The following QKI variants were observed in gnomAD, a reference collection of about 807,000 sequenced individuals.
The protein encoded by QKI is KH domain-containing RNA-binding protein QKI.
A neutral mutation model predicts 39.0 loss-of-function variants in QKI; 10 were observed. That is an observed-to-expected ratio of 0.26 (90% confidence interval 0.16 to 0.43). The LOEUF (loss-of-function observed/expected upper bound fraction) is 0.43. Ranked by LOEUF, QKI falls within the 20% of genes least tolerant of loss-of-function variation. The pLI, the probability that QKI is intolerant of heterozygous loss-of-function variation, is 1.00. For synonymous variants in QKI, 204 were observed against 155.4 expected (o/e 1.31, Z -2.33); for missense variants, 218 against 428.0 (o/e 0.51, Z 4.33).
intron 1 of QKI, among the ~76,000 whole-genome samples, chr6:163,446,003 C>T (rs1277855697): frequency 6.6e-6 from 1 of 152,170 alleles, no homozygotes; most frequent in Non-Finnish European, 1.5e-5. Context: ...TGTAGTTTCT[C>T]CTTTTTTCCT....
intron 2 of QKI, among the ~76,000 whole-genome samples, chr6:163,460,011 G>A (rs962253397): frequency 1.3e-5 from 2 of 152,146 alleles, no homozygotes; most frequent in African/African-American, 4.8e-5. Context: ...TAATAATTTT[G>A]TCATTAAATT....
At chr6:163,497,991 T>C (rs902272041) in intron 3 of QKI, among the ~76,000 whole-genome samples, 1 of 152,128 alleles carries the variant, frequency 6.6e-6, no homozygotes, top group Non-Finnish European at 1.5e-5. Flanking sequence ...GTTTTTGATA[T>C]AAAATTAAAA....
intron 3 of QKI, among the ~76,000 whole-genome samples, chr6:163,525,770 G>A (rs1339788419): frequency 6.6e-6 from 1 of 152,150 alleles, no homozygotes; most frequent in Non-Finnish European, 1.5e-5. Flanking sequence ...TTGTCAGGTC[G>A]TCAAAGGCAG....
intron 3 of QKI, among the ~76,000 whole-genome samples, chr6:163,525,605 C>G (rs943265640): frequency 4.6e-5 from 7 of 152,100 alleles, no homozygotes; most frequent in African/African-American, 1.4e-4. Context: ...GATCCTCCCC[C>G]CTCCCCGCCT....
chr6:163,539,179 C>T (rs529739103), intron 4 of QKI, among the ~76,000 whole-genome samples: 6 of 152,194 alleles, frequency 3.9e-5, no homozygotes, highest in Middle Eastern at 3.4e-3. Flanking sequence ...GAGAGCAAAG[C>T]GGGGAGCCCC....
chr6:163,557,373 A>G (rs1782696204), intron 4 of QKI, among the ~76,000 whole-genome samples: 1 of 152,210 alleles, frequency 6.6e-6, no homozygotes, highest in Non-Finnish European at 1.5e-5. Context: ...AGATCCTGTC[A>G]TTTGCAACAA....
At chr6:163,537,223 C>A (rs1781260260) in intron 4 of QKI, among the ~76,000 whole-genome samples, 1 of 152,082 alleles carries the variant, frequency 6.6e-6, no homozygotes, top group South Asian at 2.1e-4. Flanking sequence ...AAGTTTGGAG[C>A]ATTATAAACC....
chr6:163,460,705 C>T (rs1194107921), intron 2 of QKI, among the ~76,000 whole-genome samples: 1 of 152,202 alleles, frequency 6.6e-6, no homozygotes, highest in South Asian at 2.1e-4. Flanking sequence ...TTGACCATTG[C>T]GGCCTTCTTA....
rs1186085018 is a variant in QKI, at chr6:163,574,082, T to C, written c.*3372T>C. ...GTAGCCTTTGTTTGAGGCATTCTTC[T>C]CTTGCCACTTGCCTTTCAGCATCTG... On this transcript the variant is annotated 3_prime_UTR_variant, in exon 8 of 8. Transcript: ENST00000361752. 1 of 152,194 alleles carries C rather than the reference T, an allele frequency of 6.6e-6. No individual in the cohort carries two copies. The highest frequency in any genetic ancestry group is 1.5e-5 in the Non-Finnish European group (1 of 68,042). 9.4% of individuals were successfully genotyped at this position (152,194 alleles called of 1,614,324 possible).
chr6:163,434,587 C>T (rs1384268213), intron 1 of QKI, among the ~76,000 whole-genome samples: 1 of 151,762 alleles, frequency 6.6e-6, no homozygotes, highest in Non-Finnish European at 1.5e-5. Context: ...TGGTGGTGGG[C>T]GCCTGTAATC....
At chr6:163,470,013 GA>G (rs1792064303) in intron 2 of QKI, among the ~76,000 whole-genome samples, 2 of 152,222 alleles carry the variant, frequency 1.3e-5, no homozygotes, top group East Asian at 3.9e-4. Context: ...GCAATTCCAG[GA>G]AAATAGGATA....
intron 1 of QKI, among the ~76,000 whole-genome samples, chr6:163,419,018 C>G (rs1562412004): frequency 6.6e-6 from 1 of 152,000 alleles, no homozygotes; most frequent in African/African-American, 2.4e-5. Flanking sequence ...TCGTGGATAT[C>G]AGAAAAATTA....
intron 2 of QKI, among the ~76,000 whole-genome samples, chr6:163,461,721 A>G (rs533855754): frequency 1.1e-3 from 175 of 152,294 alleles, no homozygotes; most frequent in African/African-American, 4.0e-3. Flanking sequence ...GCTGTTTCTG[A>G]TAAAGATTAA....
chr6:163,455,280 A>G lies in QKI; in HGVS notation c.144A>G (p.Glu48=). The G allele has an allele frequency of 6.2e-7, 1 of 1,604,088 alleles. No individual in the cohort carries two copies. Among genetic ancestry groups the G allele is most frequent in the Admixed American group, 1.7e-5 (1 of 58,122 alleles). ...ATTTAAAATTTTTACTTTTAACAGA[A>G]ATTAGCAGAGTACGGAAAGACATGT... The part of the protein sequence containing the change: ...FNHLERLLDE[E]ISRVRKDMYN... The change falls in exon 2 of 8, where the codon GAA becomes GAG. Residue 48 remains glutamate (E), a splice_region_variant and synonymous_variant. Transcript: ENST00000361752.
chr6:163,528,464 A>G (rs1203258613), intron 3 of QKI, among the ~76,000 whole-genome samples: 1 of 152,128 alleles, frequency 6.6e-6, no homozygotes, highest in African/African-American at 2.4e-5. Context: ...TGGTGGTACA[A>G]CACTTACTGC....
At chr6:163,455,118 A>C in intron 1 of QKI, 161 bp from the exon 2 acceptor site, 5 of 503,580 alleles carry the variant, frequency 9.9e-6, no homozygotes, top group Admixed American at 3.8e-5. Context: ...AGTCTTGTTT[A>C]AACATGGGCT....
chr6:163,469,455 G>GA (rs1792020743), intron 2 of QKI, among the ~76,000 whole-genome samples: 1 of 152,152 alleles, frequency 6.6e-6, no homozygotes, highest in South Asian at 2.1e-4. Flanking sequence ...TCTGTATAGA[G>GA]TACAACTATT....
intron 2 of QKI, among the ~76,000 whole-genome samples, chr6:163,462,265 AT>A (rs535481357): frequency 1.9e-3 from 286 of 152,226 alleles, no homozygotes; most frequent in Non-Finnish European, 3.0e-3. Flanking sequence ...CAGAAAACAT[AT>A]TTTATGTCTT....
chr6:163,435,286 T>G (rs983529245), intron 1 of QKI, among the ~76,000 whole-genome samples: 1 of 152,194 alleles, frequency 6.6e-6, no homozygotes, highest in African/African-American at 2.4e-5. Flanking sequence ...TTAGAATGAT[T>G]TTGCCGGCAG....
Sources: gnomAD v4.1 joint callset for allele counts (sites outside exome capture counted in the v4.1 genomes callset) on GRCh38, gnomAD v4.1.1 for gene constraint, MANE v1.5 for transcripts, NCBI Gene and HGNC (gene_info 2026-07-23, HGNC 2026-07-21) for gene names.